Variants in CFAP91 observed in about 807,000 individuals in gnomAD.
CFAP91 encodes the protein cilia and flagella associated protein 91.
Under a neutral mutation model 95.9 loss-of-function variants are expected in CFAP91, and 85 were observed. The ratio of observed to expected loss-of-function variants is 0.89; its 90% confidence interval spans 0.74 to 1.06. The LOEUF (loss-of-function observed/expected upper bound fraction) is 1.06, where lower values mean the gene tolerates loss of function less well. CFAP91 is among the 50% of genes least tolerant of loss of function. The pLI, the probability that CFAP91 is intolerant of heterozygous loss-of-function variation, is 0.00. For synonymous variants in CFAP91, 335 were observed against 327.5 expected, an observed-to-expected ratio of 1.02 and a Z score of -0.25; for missense variants, 962 against 943.4, an observed-to-expected ratio of 1.02 and a Z score of -0.26.
intron 7 of CFAP91, among the ~76,000 whole-genome samples, chr3:119,727,600 C>A (rs2053807060): frequency 6.6e-6 from 1 of 152,136 alleles, no homozygotes; most frequent in African/African-American, 2.4e-5. Context: ...CCTGACAGAG[C>A]TCCTTATGGT....
At chr3:119,754,594 A>G (rs75191042) in intron 17 of CFAP91, among the ~76,000 whole-genome samples, 2 of 152,202 alleles carry the variant, frequency 1.3e-5, no homozygotes, top group Non-Finnish European at 2.9e-5. Flanking sequence ...ACAGGATGGG[A>G]TGATAGAACT....
At position 119,709,888 on chromosome 3, in the gene CFAP91, G is replaced by T; in HGVS notation, c.493G>T (p.Val165Leu). Residue 165 changes from valine to leucine, a missense_variant, in exon 5 of 18, where the codon GTA becomes TTA. Val to Leu is a conservative substitution (Grantham distance 32). Coordinates refer to ENST00000273390, the MANE Select transcript of CFAP91 (RefSeq NM_033364.4). The part of the protein sequence containing the change: ...QQMPFNVVYA[V>L]SKAEPYTFPP... ...GATGCCATTCAATGTTGTTTATGCC[G>T]TATCCAAGTAAGTAACCATTATTTG... is the stretch of plus-strand genomic sequence containing the variant. The T allele has an allele frequency of 6.2e-7, 1 of 1,605,780 alleles. No homozygotes were observed. The highest frequency in any genetic ancestry group is 8.5e-7 in the Non-Finnish European group (1 of 1,173,132).
intron 7 of CFAP91, among the ~76,000 whole-genome samples, chr3:119,729,049 A>C (rs1400319933): frequency 6.6e-6 from 1 of 152,194 alleles, no homozygotes; most frequent in African/African-American, 2.4e-5. Flanking sequence ...TTCAGGTATG[A>C]ATTTCTAAGC....
intron 1 of CFAP91, among the ~76,000 whole-genome samples, chr3:119,705,499 T>C (rs528542029): frequency 6.6e-6 from 1 of 152,316 alleles, no homozygotes; most frequent in South Asian, 2.1e-4. Flanking sequence ...CTAGGGACTT[T>C]GCTGTTCTTC....
intron 17 of CFAP91, among the ~76,000 whole-genome samples, chr3:119,751,689 A>G (rs978089311): frequency 1.3e-5 from 2 of 152,216 alleles, no homozygotes; most frequent in Admixed American, 1.3e-4. Context: ...TGCCATACCC[A>G]TGCAGAACAC....
At chr3:119,755,130 TC>T (rs2054401919) in intron 17 of CFAP91, among the ~76,000 whole-genome samples, 1 of 152,190 alleles carries the variant, frequency 6.6e-6, no homozygotes, top group Non-Finnish European at 1.5e-5. Flanking sequence ...ACAAGTCATA[TC>T]TTGAGTCTCA....
intron 13 of CFAP91, among the ~76,000 whole-genome samples, chr3:119,742,414 T>C (rs2054139606): frequency 6.6e-6 from 1 of 152,254 alleles, no homozygotes; most frequent in Admixed American, 6.5e-5. Flanking sequence ...CAGTACTTTC[T>C]GTGACTACAG....
chr3:119,738,848 A>G (rs1215584457), intron 11 of CFAP91, among the ~76,000 whole-genome samples: 3 of 152,220 alleles, frequency 2.0e-5, no homozygotes, highest in Non-Finnish European at 4.4e-5. Context: ...TCTTGTGAGA[A>G]GTACCTTACT....
At chr3:119,747,044 G>A in intron 14 of CFAP91, 71 bp from the exon 15 acceptor site, 2 of 1,224,034 alleles carry the variant, frequency 1.6e-6, no homozygotes, top group Non-Finnish European at 2.2e-6. Flanking sequence ...GTTAACCAAT[G>A]TTTGTGTATT....
chr3:119,747,913 G>A lies in CFAP91; in HGVS notation c.2143+11G>A, dbSNP rs1489582874. On this transcript the variant is annotated intron_variant, in intron 16 of 17. Transcript: ENST00000273390. ...TTGTCAAAGAAAAAGGTAAGCCAAT[G>A]TAAATGCTTTACTTTAGGATTTTTT... 2 of 1,587,552 alleles carry A rather than the reference G, an allele frequency of 1.3e-6. No homozygotes were observed. Among genetic ancestry groups the A allele is most frequent in the Admixed American group, 1.7e-5 (1 of 59,216 alleles).
intron 5 of CFAP91, 99 bp downstream of exon 5, chr3:119,709,994 T>A: frequency 1.1e-6 from 1 of 931,324 alleles, no homozygotes; most frequent in Non-Finnish European, 1.7e-6. Flanking sequence ...ATTTTTCAAA[T>A]TGTGGATCAC....
At chr3:119,704,130 TG>T (rs2053313394) in intron 1 of CFAP91, among the ~76,000 whole-genome samples, 1 of 152,226 alleles carries the variant, frequency 6.6e-6, no homozygotes, top group Non-Finnish European at 1.5e-5. Context: ...TATTTACTCT[TG>T]GTTTTGTGAA....
intron 17 of CFAP91, among the ~76,000 whole-genome samples, chr3:119,755,522 C>G (rs746327198): frequency 6.6e-6 from 1 of 152,172 alleles, no homozygotes; most frequent in East Asian, 1.9e-4. Flanking sequence ...TTCTCCCTCT[C>G]TTCCTCCATC....
intron 7 of CFAP91, among the ~76,000 whole-genome samples, chr3:119,728,845 C>A (rs2053837260): frequency 6.6e-6 from 1 of 152,186 alleles, no homozygotes. Flanking sequence ...CTGCCCTATC[C>A]TTTCTTCTTC....
At chr3:119,729,851 C>T (rs1039390178) in intron 7 of CFAP91, among the ~76,000 whole-genome samples, 3 of 152,306 alleles carry the variant, frequency 2.0e-5, no homozygotes, top group Middle Eastern at 3.4e-3. Context: ...GCCAGAACCG[C>T]ATTTCCTCTT....
intron 17 of CFAP91, among the ~76,000 whole-genome samples, chr3:119,764,094 A>G (rs1228722309): frequency 6.6e-6 from 1 of 152,136 alleles, no homozygotes; most frequent in African/African-American, 2.4e-5. Context: ...TGACAAATAT[A>G]TATAATCTTT....
intron 1 of CFAP91, chr3:119,706,173 G>A (rs1311720433): frequency 6.6e-6 from 1 of 152,202 alleles, no homozygotes; most frequent in East Asian, 1.9e-4. Context: ...AGTCAATCAT[G>A]AATATTCTTC....
At chr3:119,758,809 G>C (rs2054481241) in intron 17 of CFAP91, among the ~76,000 whole-genome samples, 1 of 152,014 alleles carries the variant, frequency 6.6e-6, no homozygotes, top group Non-Finnish European at 1.5e-5. Flanking sequence ...GATGAAATGA[G>C]AAAGAGGAAA....
rs756168805 is a variant in CFAP91, at chr3:119,737,392, T to G, written c.1371T>G (p.Val457=). The G allele has an allele frequency of 1.9e-5, 30 of 1,605,832 alleles. No homozygotes were observed. The highest frequency in any genetic ancestry group is 2.6e-5 in the Non-Finnish European group (30 of 1,176,030). ...HKALLDKKNK[V]LEVKKPPRFL... ...CACTGTTGGATAAGAAGAATAAAGT[T>G]CTTGAAGTAAAGAAACCCCCTCGCT... The change falls in exon 11 of 18, where the codon GTT becomes GTG. Residue 457 remains valine (V), a synonymous_variant. Transcript: ENST00000273390.
Sources: allele counts gnomAD v4.1 joint callset (sites outside exome capture counted in the v4.1 genomes callset), GRCh38; gene constraint gnomAD v4.1.1; transcripts MANE v1.5; gene names NCBI Gene and HGNC (gene_info 2026-07-23, HGNC 2026-07-21).